The following CPQ variants were observed in gnomAD, a reference collection of about 807,000 sequenced individuals.
CPQ encodes carboxypeptidase Q.
CPQ carries 37 observed loss-of-function variants against 45.7 expected under a neutral mutation model. That is an observed-to-expected ratio of 0.81 (90% CI 0.62 to 1.07). The LOEUF is 1.07. Among genes scored for constraint, CPQ ranks in the 50% least tolerant of loss-of-function variants. The pLI, the probability that CPQ is intolerant of heterozygous loss-of-function variation, is 0.00. For synonymous variants in CPQ, 186 were observed against 205.8 expected (o/e 0.90, Z 0.82); for missense variants, 537 against 572.9 (o/e 0.94, Z 0.64).
chr8:96,878,801 T>G (rs567175507), intron 3 of CPQ, among the ~76,000 whole-genome samples: 107 of 152,294 alleles, frequency 7.0e-4, no homozygotes, highest in African/African-American at 2.6e-3. Flanking sequence ...GGAGGGCTGT[T>G]CTGTAAATAT....
chr8:97,140,964 A>G (rs1292679095), intron 7 of CPQ, among the ~76,000 whole-genome samples: 1 of 152,090 alleles, frequency 6.6e-6, no homozygotes, highest in African/African-American at 2.4e-5. Flanking sequence ...ATGTACTACT[A>G]ATGAATAAAT....
intron 1 of CPQ, among the ~76,000 whole-genome samples, chr8:96,699,746 C>A (rs191826742): frequency 5.2e-4 from 79 of 152,146 alleles, no homozygotes; most frequent in Non-Finnish European, 8.8e-4. Flanking sequence ...GACAAAGAGA[C>A]ATCAAGCACA....
At chr8:96,963,133 A>G in intron 4 of CPQ, among the ~76,000 whole-genome samples, 1 of 152,356 alleles carries the variant, frequency 6.6e-6, no homozygotes, top group African/African-American at 2.4e-5. Flanking sequence ...TTTTTCTGAA[A>G]GAAATCTGAA....
chr8:96,899,668 A>G (rs1209442837), intron 4 of CPQ, among the ~76,000 whole-genome samples: 2 of 147,108 alleles, frequency 1.4e-5, no homozygotes, highest in South Asian at 2.1e-4. Flanking sequence ...CTCACTCACT[A>G]TTGCAAAGGC....
At chr8:96,816,551 T>A (rs1428884024) in intron 2 of CPQ, among the ~76,000 whole-genome samples, 1 of 152,134 alleles carries the variant, frequency 6.6e-6, no homozygotes, top group Admixed American at 6.6e-5. Flanking sequence ...GAATCTAGAA[T>A]GGTGAATCTT....
At chr8:96,859,809 T>C (rs1811903616) in intron 3 of CPQ, among the ~76,000 whole-genome samples, 1 of 152,288 alleles carries the variant, frequency 6.6e-6, no homozygotes, top group East Asian at 1.9e-4. Context: ...ATTTCCCTGT[T>C]GATAGACATG....
chr8:96,898,155 G>A (rs1812467888), intron 4 of CPQ, among the ~76,000 whole-genome samples: 1 of 152,090 alleles, frequency 6.6e-6, no homozygotes, highest in Admixed American at 6.6e-5. Flanking sequence ...CTGGAATCTT[G>A]AGGAAGACAC....
intron 1 of CPQ, among the ~76,000 whole-genome samples, chr8:96,695,941 G>T (rs1304841233): frequency 6.7e-6 from 1 of 149,086 alleles, no homozygotes; most frequent in Non-Finnish European, 1.5e-5. Context: ...CCATTACTGG[G>T]TATATACCCA....
chr8:96,946,627 A>G (rs1053384059), intron 4 of CPQ, among the ~76,000 whole-genome samples: 1 of 128,562 alleles, frequency 7.8e-6, no homozygotes, highest in Non-Finnish European at 1.6e-5. Context: ...TTTCTAAATT[A>G]ACATGCCCCT....
At chr8:96,679,435 A>G (rs11515029) in intron 1 of CPQ, among the ~76,000 whole-genome samples, 3 of 152,092 alleles carry the variant, frequency 2.0e-5, no homozygotes, top group Non-Finnish European at 4.4e-5. Flanking sequence ...TTTTGGCCTC[A>G]TAGAATGAAT....
intron 7 of CPQ, among the ~76,000 whole-genome samples, chr8:97,137,578 A>G (rs559157166): frequency 2.0e-3 from 312 of 152,350 alleles, no homozygotes; most frequent in African/African-American, 7.2e-3. Flanking sequence ...CTTTCTAGCT[A>G]CTACCAGAGT....
rs561324480 is a variant in CPQ, at chr8:97,033,501, A to T, written c.1053+4007A>T. ...ATCATCACATTATTTGTATACAATG[A>T]TCTCTTTCTCGTTTGTATGACCTAA... On this transcript the variant is annotated intron_variant, in intron 6 of 7. Transcript: ENST00000220763. 1.4e-4 allele frequency among the ~76,000 whole-genome samples: 22 copies of T among 152,262 alleles called. No individual in the cohort carries two copies. In the South Asian group the frequency reaches 2.9e-3, roughly 20 times the overall value.
chr8:96,883,777 C>T (rs1812262651), intron 4 of CPQ, among the ~76,000 whole-genome samples: 1 of 152,200 alleles, frequency 6.6e-6, no homozygotes, highest in East Asian at 1.9e-4. Flanking sequence ...CTCATCCCAA[C>T]ACTTCATGCC....
At chr8:97,040,425 T>C (rs947912724) in intron 6 of CPQ, among the ~76,000 whole-genome samples, 1 of 151,432 alleles carries the variant, frequency 6.6e-6, no homozygotes, top group Non-Finnish European at 1.5e-5. Flanking sequence ...TTCTCCCATT[T>C]TGTAGGTTGC....
At chr8:96,742,342 A>G (rs1810104762) in intron 1 of CPQ, among the ~76,000 whole-genome samples, 1 of 151,922 alleles carries the variant, frequency 6.6e-6, no homozygotes, top group South Asian at 2.1e-4. Flanking sequence ...ATCTTTCTCC[A>G]TCCTTTTATT....
At chr8:96,684,878 T>C (rs1418704048) in intron 1 of CPQ, among the ~76,000 whole-genome samples, 1 of 151,660 alleles carries the variant, frequency 6.6e-6, no homozygotes, top group African/African-American at 2.4e-5. Flanking sequence ...GGTGGGTGTA[T>C]CACGAGGTCT....
In CPQ at chr8:97,043,387, C is replaced by T. The variant is rs1468267613; in HGVS notation, c.1053+13893C>T. On this transcript the variant is annotated intron_variant, in intron 6 of 7. Coordinates refer to ENST00000220763, the MANE Select transcript of CPQ (RefSeq NM_016134.4). ...TTTTGAGCCTATGTGTGTCTCTGCA[C>T]GTGAGATGGGTTTCCTGAATACAGC... Among the ~76,000 whole-genome samples, 532 of 151,846 alleles carry T rather than the reference C, an allele frequency of 3.5e-3. 4 individuals carry two copies. Among genetic ancestry groups the T allele is most frequent in the Non-Finnish European group, 4.6e-3 (314 of 67,950 alleles).
At chr8:97,104,268 A>G (rs1488957616) in intron 7 of CPQ, among the ~76,000 whole-genome samples, 1 of 152,190 alleles carries the variant, frequency 6.6e-6, no homozygotes, top group African/African-American at 2.4e-5. Context: ...CAGGGAGGAG[A>G]GTAAACTAAA....
intron 4 of CPQ, among the ~76,000 whole-genome samples, chr8:96,936,648 C>A (rs1403880781): frequency 6.6e-6 from 1 of 152,108 alleles, no homozygotes; most frequent in Non-Finnish European, 1.5e-5. Flanking sequence ...ATCTAAATAT[C>A]CCAAAGATAT....
Sources: allele counts gnomAD v4.1 joint callset (sites outside exome capture counted in the v4.1 genomes callset), GRCh38; gene constraint gnomAD v4.1.1; transcripts MANE v1.5; gene names NCBI Gene and HGNC (gene_info 2026-07-23, HGNC 2026-07-21).